Variants in SAMMSON observed in about 807,000 individuals in gnomAD.
SAMMSON encodes the protein survival associated mitochondrial melanoma specific oncogenic non-coding RNA.
At chr3:70,250,450 CAA>C (rs1491153713) in intron 6 of SAMMSON, among the ~76,000 whole-genome samples, 6 of 140,594 alleles carry the variant, frequency 4.3e-5, no homozygotes, top group South Asian at 2.2e-4. Context: ...CACACACACA[CAA>C]ACACAAACCT....
chr3:70,304,603 T>C (rs777988937), intron 7 of SAMMSON, among the ~76,000 whole-genome samples: 1 of 152,230 alleles, frequency 6.6e-6, no homozygotes, highest in Non-Finnish European at 1.5e-5. Flanking sequence ...AAGCCAGTCC[T>C]GTTGGTTCTA....
At chr3:70,238,971 A>G (rs1701639067) in intron 4 of SAMMSON, among the ~76,000 whole-genome samples, 2 of 152,182 alleles carry the variant, frequency 1.3e-5, no homozygotes, top group African/African-American at 4.8e-5. Context: ...TCTGCTTTCT[A>G]ACTCCTAAAA....
intron 4 of SAMMSON, among the ~76,000 whole-genome samples, chr3:70,124,705 C>T (rs2067448438): frequency 1.3e-5 from 2 of 149,416 alleles, no homozygotes; most frequent in Non-Finnish European, 3.0e-5. Flanking sequence ...GTCCCAGCTA[C>T]TTGGGAGGCT....
intron 7 of SAMMSON, among the ~76,000 whole-genome samples, chr3:70,349,733 C>T (rs1166414118): frequency 6.6e-6 from 1 of 152,056 alleles, no homozygotes; most frequent in Non-Finnish European, 1.5e-5. Context: ...TATTTCTTCC[C>T]CCTGGCAGGG....
chr3:70,177,360 G>A (rs557226842), intron 4 of SAMMSON, among the ~76,000 whole-genome samples: 217 of 152,264 alleles, frequency 1.4e-3, no homozygotes, highest in Middle Eastern at 6.8e-3. Flanking sequence ...AGCACCTACC[G>A]TGAACTGGTC....
chr3:70,281,349 C>T (rs1171039758), intron 6 of SAMMSON, among the ~76,000 whole-genome samples: 1 of 152,168 alleles, frequency 6.6e-6, no homozygotes, highest in African/African-American at 2.4e-5. Context: ...CTCTCAACTT[C>T]ATTATTTGAC....
chr3:70,395,857 G>A (rs1396102928), intron 2 of SAMMSON, among the ~76,000 whole-genome samples: 1 of 152,062 alleles, frequency 6.6e-6, no homozygotes, highest in African/African-American at 2.4e-5. Flanking sequence ...AGATTGCATT[G>A]TCTGGTACTT....
At chr3:70,267,338 A>G (rs1416455389) in intron 6 of SAMMSON, among the ~76,000 whole-genome samples, 1 of 150,400 alleles carries the variant, frequency 6.6e-6, no homozygotes, top group South Asian at 2.1e-4. Flanking sequence ...TTTCCATGAG[A>G]CCTACCTTTA....
At chr3:70,192,565 A>G (rs758254483) in intron 4 of SAMMSON, among the ~76,000 whole-genome samples, 6 of 152,142 alleles carry the variant, frequency 3.9e-5, no homozygotes, top group Non-Finnish European at 8.8e-5. Context: ...AAAAAGATAA[A>G]CAACCCCTAC....
At chr3:70,292,252 T>C (rs929666971) in intron 7 of SAMMSON, among the ~76,000 whole-genome samples, 1 of 152,188 alleles carries the variant, frequency 6.6e-6, no homozygotes, top group African/African-American at 2.4e-5. Context: ...GTACATCTTG[T>C]GATTTTTACT....
At chr3:70,344,029 G>A (rs1415261295) in intron 7 of SAMMSON, among the ~76,000 whole-genome samples, 1 of 151,780 alleles carries the variant, frequency 6.6e-6, no homozygotes, top group Non-Finnish European at 1.5e-5. Flanking sequence ...CATTACTGGG[G>A]GTGTTTTGAG....
chr3:70,412,908 A>G (rs929852780), intron 2 of SAMMSON, among the ~76,000 whole-genome samples: 2 of 152,178 alleles, frequency 1.3e-5, no homozygotes, highest in Non-Finnish European at 2.9e-5. Flanking sequence ...AAGTTAAGGT[A>G]TTTCAAGTCA....
At chr3:70,125,466 G>T in intron 4 of SAMMSON, 1 of 797,544 alleles carries the variant, frequency 1.3e-6, no homozygotes, top group East Asian at 2.7e-5. Flanking sequence ...CATTCCGATG[G>T]CATTTCATCA....
chr3:70,152,920 C>T (rs2067577314), intron 4 of SAMMSON, among the ~76,000 whole-genome samples: 1 of 151,980 alleles, frequency 6.6e-6, no homozygotes, highest in Non-Finnish European at 1.5e-5. Flanking sequence ...TCCCACTCCA[C>T]TAGCAGAAAA....
chr3:70,416,834 T>G (rs1476674125), intron 2 of SAMMSON, among the ~76,000 whole-genome samples: 1 of 152,226 alleles, frequency 6.6e-6, no homozygotes, highest in South Asian at 2.1e-4. Flanking sequence ...ATTACCCATG[T>G]ACATTTCCAC....
intron 1 of SAMMSON, among the ~76,000 whole-genome samples, chr3:70,009,874 T>C (rs1193105323): frequency 1.3e-5 from 2 of 150,316 alleles, no homozygotes; most frequent in Non-Finnish European, 2.9e-5. Flanking sequence ...ACATCTTTAT[T>C]TCTGCCTTCA....
At position 70,238,685 on chromosome 3, in the gene SAMMSON, C is replaced by G. The variant is rs545252497; in HGVS notation, n.508-10422C>G. On this transcript the variant is annotated intron_variant and non_coding_transcript_variant, in intron 4 of 9. Coordinates refer to ENST00000642114, the Ensembl canonical transcript of SAMMSON. ...AAGAAAAGAAAGTAAAGGCAGGGCA[C>G]TTTAGCCACAGGGACAAATTCCAAA... Among the ~76,000 whole-genome samples the G allele has an allele frequency of 2.6e-4, 40 of 152,096 alleles. No individual in the cohort carries two copies. The South Asian group carries it at 8.3e-3, about 32-fold the overall frequency.
intron 2 of SAMMSON, among the ~76,000 whole-genome samples, chr3:70,414,708 T>C (rs1013009127): frequency 1.1e-4 from 16 of 152,176 alleles, no homozygotes; most frequent in African/African-American, 3.6e-4. Flanking sequence ...GGATCTGTTT[T>C]CTCATTTGTA....
intron 4 of SAMMSON, chr3:70,075,195 C>A (rs2067244255): frequency 1.3e-5 from 2 of 151,914 alleles, no homozygotes; most frequent in Non-Finnish European, 2.9e-5. Context: ...AAACAATTAT[C>A]TAAATTAGTG....
Sources: gnomAD v4.1 joint callset for allele counts (sites outside exome capture counted in the v4.1 genomes callset) on GRCh38, gnomAD v4.1.1 for gene constraint, MANE v1.5 for transcripts, NCBI Gene and HGNC (gene_info 2026-07-23, HGNC 2026-07-21) for gene names.